The following TECPR2 variants were observed in gnomAD, a reference collection of about 807,000 sequenced individuals.
The protein encoded by TECPR2 is tectonin beta-propeller repeat-containing protein 2.
TECPR2 carries 65 observed loss-of-function variants against 138.1 expected under a neutral mutation model. The observed-to-expected ratio is 0.47, with a 90% CI of 0.39 to 0.58. TECPR2 has a LOEUF of 0.58. TECPR2 is among the 20% of genes least tolerant of loss of function. The probability of loss-of-function intolerance (pLI) is 0.00; values close to 1 mark genes in which losing one functional copy is unlikely to be tolerated. For synonymous variants in TECPR2, 746 were observed against 749.8 expected (o/e 0.99, Z 0.08); for missense variants, 1,553 against 1,824.5 (o/e 0.85, Z 2.71).
At chr14:102,406,338 G>A (rs1323185296) in intron 2 of TECPR2, among the ~76,000 whole-genome samples, 1 of 151,442 alleles carries the variant, frequency 6.6e-6, no homozygotes, top group Non-Finnish European at 1.5e-5. Context: ...CACGAGGTCA[G>A]GAGATCGAGA....
chr14:102,438,212 C>A lies in TECPR2; in HGVS notation c.2578+7C>A. ...GTGGCAGTCTCGCCCTCAGGTTCGC[C>A]TCCCCGCTCCCTGCTCCCGCTCCCT... On this transcript the variant is annotated splice_region_variant and intron_variant, in intron 10 of 19. Coordinates refer to ENST00000359520, the MANE Select transcript of TECPR2 (RefSeq NM_014844.5). 6.3e-7 allele frequency: 1 copy of A among 1,598,052 alleles called. No homozygotes were observed. Among genetic ancestry groups the A allele is most frequent in the African/African-American group, 1.3e-5 (1 of 74,820 alleles).
chr14:102,368,464 C>A (rs748033977), intron 1 of TECPR2, among the ~76,000 whole-genome samples: 2 of 152,148 alleles, frequency 1.3e-5, no homozygotes, highest in South Asian at 4.1e-4. Flanking sequence ...CCCCAGCCTC[C>A]CAAGTAGCTG....
intron 5 of TECPR2, among the ~76,000 whole-genome samples, chr14:102,418,536 C>G (rs545839135): frequency 3.1e-4 from 47 of 152,350 alleles, no homozygotes; most frequent in South Asian, 6.2e-4. Flanking sequence ...GGGCCCTGCG[C>G]ACCGAGGATC....
At position 102,443,597 on chromosome 14, in the gene TECPR2, G is replaced by T. The variant is rs760324427; in HGVS notation, c.2753-50G>T. On this transcript the variant is annotated intron_variant, in intron 11 of 19. Transcript: ENST00000359520. This position sits in a 1 kb window ranked among gnomAD's most constrained non-coding sequence, Gnocchi z 4.9. The stretch of plus-strand genomic sequence containing the variant: ...GCCAATAACCAAGTCAAAATGAGGT[G>T]TGGAGTTCTGACTGTGTGTCTTTGG... 11 of 1,435,616 alleles carry T rather than the reference G, an allele frequency of 7.7e-6. No homozygotes were observed. The highest frequency in any genetic ancestry group is 1.0e-5 in the Non-Finnish European group (11 of 1,076,596). 88.9% of individuals were successfully genotyped at this position (1,435,616 alleles called of 1,614,324 possible). A position where few individuals can be genotyped will look rare whatever the true frequency, so the allele number is the denominator to read the frequency against.
intron 5 of TECPR2, among the ~76,000 whole-genome samples, chr14:102,423,798 C>T (rs1190196073): frequency 2.6e-5 from 4 of 152,040 alleles, no homozygotes; most frequent in Non-Finnish European, 2.9e-5. Flanking sequence ...AGCTTGGGGG[C>T]AGGAAGGGAC....
chr14:102,418,597 T>C (rs1292742002), intron 5 of TECPR2, among the ~76,000 whole-genome samples: 2 of 148,752 alleles, frequency 1.3e-5, no homozygotes. Flanking sequence ...CCCCCTCCCG[T>C]CGGCTTTGTG....
chr14:102,454,749 C>T (rs1890233746), intron 16 of TECPR2, among the ~76,000 whole-genome samples: 2 of 152,242 alleles, frequency 1.3e-5, no homozygotes, highest in South Asian at 4.1e-4. Context: ...TGTGTATTCT[C>T]CCTGCTCCTG....
intron 15 of TECPR2, among the ~76,000 whole-genome samples, chr14:102,451,518 AC>A (rs1890138977): frequency 6.6e-6 from 1 of 152,110 alleles, no homozygotes; most frequent in African/African-American, 2.4e-5. Flanking sequence ...GCAAAACCTG[AC>A]CGGATCTCAC....
At chr14:102,449,577 T>C (rs1567347037) in intron 13 of TECPR2, 52 bp from the exon 14 acceptor site, 3 of 1,606,696 alleles carry the variant, frequency 1.9e-6, no homozygotes, top group Non-Finnish European at 2.6e-6. Flanking sequence ...GCAGAGAGTC[T>C]ACACTTGTAA....
At chr14:102,458,304 G>T (rs1890322540) in intron 16 of TECPR2, among the ~76,000 whole-genome samples, 1 of 152,146 alleles carries the variant, frequency 6.6e-6, no homozygotes. Context: ...TCAGGGTGGA[G>T]CCCCCTCGTC....
At chr14:102,440,968 G>T (rs1393960292) in intron 11 of TECPR2, among the ~76,000 whole-genome samples, 2 of 151,696 alleles carry the variant, frequency 1.3e-5, no homozygotes, top group African/African-American at 4.8e-5. Flanking sequence ...CCCCCTTTAA[G>T]CTAAAGTTTA....
chr14:102,434,845 G>T lies in TECPR2; in HGVS notation c.2028G>T (p.Glu676Asp), dbSNP rs748828654. The change falls in exon 9 of 20, where the codon GAG (glutamate) becomes GAT (aspartate). Residue 676 changes from glutamate to aspartate, a missense_variant. Physicochemically the swap from Glu to Asp is conservative, Grantham distance 45 (BLOSUM62 2). Coordinates refer to ENST00000359520, the MANE Select transcript of TECPR2 (RefSeq NM_014844.5). ...GAGCTGATGAAGGCAGCCCCGTGGAGCCCAGCCAAGAGCAGGACATCCTAA... is the reference window on the plus strand; with the variant it reads ...GAGCTGATGAAGGCAGCCCCGTGGATCCCAGCCAAGAGCAGGACATCCTAA... ...GTRADEGSPV[E>D]PSQEQDILTS... is the part of the protein sequence containing the mutation. 3.7e-6 allele frequency: 6 copies of T among 1,613,482 alleles called. No individual in the cohort carries two copies. The highest frequency in any genetic ancestry group is 2.5e-6 in the Non-Finnish European group (3 of 1,180,010).
At chr14:102,482,642 C>T (rs566795157) in intron 17 of TECPR2, among the ~76,000 whole-genome samples, 1 of 152,108 alleles carries the variant, frequency 6.6e-6, no homozygotes, top group Non-Finnish European at 1.5e-5. Context: ...ATCTTCCAGT[C>T]GGTTCCCAAG....
At chr14:102,475,478 C>G (rs1425769881) in intron 17 of TECPR2, among the ~76,000 whole-genome samples, 1 of 152,114 alleles carries the variant, frequency 6.6e-6, no homozygotes, top group African/African-American at 2.4e-5. Context: ...TTCTGCTGGA[C>G]AGATCACATG....
At chr14:102,417,194 C>T (rs10148411) in intron 5 of TECPR2, among the ~76,000 whole-genome samples, 107,468 of 152,074 alleles carry the variant, frequency 0.71, 38,207 homozygotes, top group Middle Eastern at 0.76. Context: ...AGAGATTTTA[C>T]TGAGCCTTGG....
chr14:102,434,059 ATGCATAGAAAGCATCTCTT>A, intron 8 of TECPR2, among the ~76,000 whole-genome samples, 157 bp from the exon 9 acceptor site: 1 of 152,310 alleles, frequency 6.6e-6, no homozygotes, highest in Non-Finnish European at 1.5e-5. Context: ...CAGTACTTGC[ATGCATAGAAAGCATCTCTT>A]TGTTGGGATT....
At chr14:102,418,311 C>T (rs1237383067) in intron 5 of TECPR2, among the ~76,000 whole-genome samples, 1 of 152,222 alleles carries the variant, frequency 6.6e-6, no homozygotes, top group East Asian at 1.9e-4. Context: ...GTGAACAAGG[C>T]AGAACAGATC....
chr14:102,400,634 A>G (rs923075553), intron 2 of TECPR2, among the ~76,000 whole-genome samples: 1 of 152,210 alleles, frequency 6.6e-6, no homozygotes, highest in Admixed American at 6.5e-5. Flanking sequence ...ACAAAAGGAC[A>G]TGAGAAAGGA....
At chr14:102,461,739 G>A (rs1391130310) in intron 16 of TECPR2, among the ~76,000 whole-genome samples, 1 of 152,152 alleles carries the variant, frequency 6.6e-6, no homozygotes, top group Non-Finnish European at 1.5e-5. Flanking sequence ...GCTTTGCTCT[G>A]CGGCTCCACC....
Sources: gnomAD v4.1 joint callset for allele counts (sites outside exome capture counted in the v4.1 genomes callset) on GRCh38, gnomAD v4.1.1 for gene constraint, Gnocchi (gnomAD v3.1) non-coding constraint, MANE v1.5 for transcripts, NCBI Gene and HGNC (gene_info 2026-07-23, HGNC 2026-07-21) for gene names.